Variants in TDRD9 observed in about 807,000 individuals in gnomAD.
TDRD9 encodes the protein ATP-dependent RNA helicase TDRD9.
Under a neutral mutation model 172.6 loss-of-function variants are expected in TDRD9, and 124 were observed. The ratio of observed to expected loss-of-function variants is 0.72; its 90% CI spans 0.62 to 0.83. The LOEUF (loss-of-function observed/expected upper bound fraction) is 0.83. Ranked by LOEUF, TDRD9 falls within the 40% of genes least tolerant of loss-of-function variation. TDRD9 has a pLI of 0.00. For synonymous variants in TDRD9, 619 were observed against 617.1 expected (o/e 1.00, Z -0.05); for missense variants, 1,479 against 1,714.1 (o/e 0.86, Z 2.42).
chr14:103,986,950 C>G (rs540576956), intron 8 of TDRD9, among the ~76,000 whole-genome samples: 1 of 152,236 alleles, frequency 6.6e-6, no homozygotes, highest in African/African-American at 2.4e-5. Flanking sequence ...CCTGTCTCTA[C>G]TAAAATACAA....
chr14:104,042,637 A>G (rs1029120242), intron 34 of TDRD9, among the ~76,000 whole-genome samples: 6 of 152,192 alleles, frequency 3.9e-5, no homozygotes, highest in Non-Finnish European at 8.8e-5. Context: ...GAATGCAGAC[A>G]CAAAAGGCTC....
At chr14:103,981,500 C>T (rs1030625587) in intron 7 of TDRD9, among the ~76,000 whole-genome samples, 6 of 152,166 alleles carry the variant, frequency 3.9e-5, no homozygotes, top group Admixed American at 2.0e-4. Flanking sequence ...TATCCAACGT[C>T]TTGTTTTTGG....
At chr14:103,972,746 T>C (rs375307230) in intron 6 of TDRD9, among the ~76,000 whole-genome samples, 2 of 152,268 alleles carry the variant, frequency 1.3e-5, no homozygotes, top group Non-Finnish European at 2.9e-5. Context: ...TCTCTTTCTC[T>C]TTCCCATGTC....
intron 13 of TDRD9, 67 bp from the exon 14 acceptor site, chr14:104,004,171 A>G: frequency 1.4e-6 from 1 of 732,982 alleles, no homozygotes; most frequent in Non-Finnish European, 2.4e-6. Flanking sequence ...ACTGTTTAAA[A>G]AGATACCTTC....
At chr14:104,000,992 C>G (rs1260569394) in intron 13 of TDRD9, among the ~76,000 whole-genome samples, 2 of 152,224 alleles carry the variant, frequency 1.3e-5, no homozygotes, top group African/African-American at 2.4e-5. Flanking sequence ...GAATCCTTCT[C>G]TTATCTTCCC....
intron 29 of TDRD9, 75 bp downstream of exon 29, chr14:104,031,338 A>C (rs2035273433): frequency 7.5e-7 from 1 of 1,328,918 alleles, no homozygotes; most frequent in Admixed American, 2.6e-5. Flanking sequence ...AGTTGTAGTC[A>C]GTAGTCATGG....
rs1421315184 is a variant in TDRD9, at chr14:104,026,851, A to C, written c.3194A>C (p.Tyr1065Ser). The change falls in exon 28 of 36, where the codon TAC becomes TCC. Residue 1065 changes from tyrosine (Y) to serine (S), a missense_variant. Around this residue, in one of 3 missense-constraint regions of TDRD9, gnomAD observed 1,413 missense variants for 1,649.1 expected, o/e 0.86. Coordinates refer to ENST00000409874, the MANE Select transcript of TDRD9 (RefSeq NM_153046.3). ...HSVLHVDVYQ[Y>S]SGVQDAINIR... is the part of the protein sequence containing the mutation. ...GTCCTGCACGTGGATGTGTACCAGT[A>C]CTCAGGGGTCCAGGATGCCATCAAC... The C allele has an allele frequency of 6.2e-7, 1 of 1,613,986 alleles. No homozygotes were observed. The highest frequency in any genetic ancestry group is 8.5e-7 in the Non-Finnish European group (1 of 1,179,870).
chr14:104,008,980 A>G (rs890897825), intron 20 of TDRD9, among the ~76,000 whole-genome samples: 1 of 152,252 alleles, frequency 6.6e-6, no homozygotes, highest in African/African-American at 2.4e-5. Context: ...TACATTGCTT[A>G]ATGACAGGAA....
chr14:103,995,801 A>G lies in TDRD9; in HGVS notation c.1372A>G (p.Lys458Glu), dbSNP rs757650263. The change falls in exon 12 of 36, where the codon AAA becomes GAA. Residue 458 changes from lysine (K) to glutamate (E), a missense_variant. Lys to Glu is a moderately conservative substitution (Grantham distance 56). Around this residue, in one of 3 missense-constraint regions of TDRD9, gnomAD observed 1,413 missense variants for 1,649.1 expected, o/e 0.86. Transcript: ENST00000409874. Reference sequence around the variant, plus strand: ...GAGTTCTGTCACAGTTCCAGATGTCAAATATGGTAAGATACTTCTCCGTTT... The same window carrying G: ...GAGTTCTGTCACAGTTCCAGATGTCGAATATGGTAAGATACTTCTCCGTTT... ...AESSVTVPDV[K>E]YVIDFCLTRT... The G allele has an allele frequency of 3.7e-6, 6 of 1,608,458 alleles. No individual in the cohort carries two copies. Among genetic ancestry groups the G allele is most frequent in the East Asian group, 4.5e-5 (2 of 44,700 alleles).
At chr14:103,960,766 A>G (rs180933935) in intron 2 of TDRD9, among the ~76,000 whole-genome samples, 22 of 152,272 alleles carry the variant, frequency 1.4e-4, no homozygotes, top group Non-Finnish European at 1.3e-4. Context: ...TACCGTTAGG[A>G]CTTCTGGCAT....
chr14:104,048,810 C>G (rs2035856235), intron 34 of TDRD9, among the ~76,000 whole-genome samples: 1 of 152,144 alleles, frequency 6.6e-6, no homozygotes, highest in Admixed American at 6.6e-5. Context: ...TGGGCTTTCC[C>G]CATCTGTTTC....
chr14:103,972,966 T>G (rs946368844), intron 6 of TDRD9, among the ~76,000 whole-genome samples: 8 of 152,366 alleles, frequency 5.3e-5, no homozygotes, highest in Middle Eastern at 6.8e-3. Flanking sequence ...GAATGTCATT[T>G]AAGACTCTTC....
At chr14:103,941,693 C>T in intron 1 of TDRD9, 1 of 1,500,758 alleles carries the variant, frequency 6.7e-7, no homozygotes, top group Non-Finnish European at 8.8e-7. Flanking sequence ...CAAAAAGTGG[C>T]ATTTTTAGCC....
intron 34 of TDRD9, among the ~76,000 whole-genome samples, chr14:104,044,066 G>C (rs2035691159): frequency 6.6e-6 from 1 of 152,194 alleles, no homozygotes; most frequent in Non-Finnish European, 1.5e-5. Flanking sequence ...GGATGGGACA[G>C]GGCTCTCCTG....
chr14:104,049,500 G>C, intron 34 of TDRD9, 108 bp from the exon 35 acceptor site: 1 of 850,020 alleles, frequency 1.2e-6, no homozygotes, highest in Non-Finnish European at 1.8e-6. Flanking sequence ...GTTTATTCTA[G>C]TTCCAATTCT....
At position 103,991,198 on chromosome 14, in the gene TDRD9, G is replaced by A. The variant is rs1177572273; in HGVS notation, c.1154G>A (p.Arg385Gln). The A allele has an allele frequency of 5.6e-6, 9 of 1,613,890 alleles. No individual in the cohort carries two copies. The highest frequency in any genetic ancestry group is 6.8e-6 in the Non-Finnish European group (8 of 1,179,890). ...TCGGGGGCCCAGTTTGTGTTGGAGC[G>A]AAGCAGTGTGTTGGTGTTTTTGCCA... ...AWSGAQFVLE[R>Q]SSVLVFLPGL... Residue 385 changes from arginine (R) to glutamine (Q), a missense_variant, in exon 9 of 36, where the codon CGA becomes CAA. This residue lies in a region of TDRD9 where 1,413 missense variants were observed against 1,649.1 expected (regional missense o/e 0.86). Transcript: ENST00000409874.
At chr14:104,035,428 C>G (rs1184611921) in intron 32 of TDRD9, among the ~76,000 whole-genome samples, 1 of 152,158 alleles carries the variant, frequency 6.6e-6, no homozygotes, top group Admixed American at 6.5e-5. Flanking sequence ...GACAAGAACC[C>G]GTCAGTCCCC....
At chr14:103,994,133 C>A (rs1354230812) in intron 9 of TDRD9, among the ~76,000 whole-genome samples, 199 bp from the exon 10 acceptor site, 2 of 152,146 alleles carry the variant, frequency 1.3e-5, no homozygotes, top group Non-Finnish European at 2.9e-5. Flanking sequence ...GGGTTTTTCC[C>A]TATATTTTTG....
At chr14:103,976,767 C>A (rs191368272) in intron 7 of TDRD9, among the ~76,000 whole-genome samples, 1 of 152,198 alleles carries the variant, frequency 6.6e-6, no homozygotes, top group African/African-American at 2.4e-5. Flanking sequence ...TTTCCATAAA[C>A]GCTATACTAA....
Sources: gnomAD v4.1 joint callset for allele counts (sites outside exome capture counted in the v4.1 genomes callset) on GRCh38, gnomAD v4.1.1 for gene constraint, gnomAD v4.1.1 regional missense constraint, MANE v1.5 for transcripts, NCBI Gene and HGNC (gene_info 2026-07-23, HGNC 2026-07-21) for gene names.